Variants in PDE11A observed in about 807,000 individuals in gnomAD.
PDE11A encodes dual 3',5'-cyclic-AMP and -GMP phosphodiesterase 11A.
Under a neutral mutation model 100.5 loss-of-function variants are expected in PDE11A, and 100 were observed. The observed-to-expected ratio is 1.00, with a 90% CI of 0.85 to 1.18. The LOEUF is 1.18. Ranked by LOEUF, PDE11A falls within the 50% of genes most tolerant of loss-of-function variation. The pLI is 0.00. For synonymous variants in PDE11A, 381 were observed against 420.8 expected (o/e 0.91, Z 1.16); for missense variants, 1,141 against 1,152.6 (o/e 0.99, Z 0.15).
At chr2:177,838,047 CAT>C (rs1406594449) in intron 6 of PDE11A, among the ~76,000 whole-genome samples, 2 of 152,164 alleles carry the variant, frequency 1.3e-5, no homozygotes, top group Non-Finnish European at 2.9e-5. Context: ...TTAAGGCACA[CAT>C]GAGAGGCCCT....
intron 15 of PDE11A, chr2:177,688,275 G>C (rs1417131071): frequency 6.6e-6 from 1 of 152,220 alleles, no homozygotes; most frequent in Admixed American, 6.5e-5. Context: ...GCTTGTGCCA[G>C]GTTGGTGGTT....
chr2:177,856,571 C>T lies in PDE11A; in HGVS notation c.1368-16188G>A, dbSNP rs141734867. Among the ~76,000 whole-genome samples the T allele has an allele frequency of 2.6e-3, 388 of 151,860 alleles. 10 individuals are homozygous for T. The East Asian group carries it at 0.067, about 26-fold the overall frequency. On this transcript the variant is annotated intron_variant, in intron 5 of 19. Coordinates refer to ENST00000286063, the MANE Select transcript of PDE11A (RefSeq NM_016953.4). ...AGGAAAATATGAGAAGGCTGTCTCCCAAATAAATAATATCAATAAAGAGAA... is the reference window on the plus strand; with the variant it reads ...AGGAAAATATGAGAAGGCTGTCTCCTAAATAAATAATATCAATAAAGAGAA...
chr2:177,926,407 T>C (rs2085124681), intron 2 of PDE11A, among the ~76,000 whole-genome samples: 1 of 152,244 alleles, frequency 6.6e-6, no homozygotes, highest in Admixed American at 6.5e-5. Flanking sequence ...AAACAAATTC[T>C]ATGTCTAAAA....
intron 4 of PDE11A, among the ~76,000 whole-genome samples, chr2:177,878,757 C>T (rs555793741): frequency 2.3e-4 from 35 of 152,214 alleles, no homozygotes; most frequent in African/African-American, 8.4e-4. Context: ...TCCAGTGATC[C>T]CACTTCTCAC....
chr2:177,915,282 C>G (rs2084937035), intron 2 of PDE11A, among the ~76,000 whole-genome samples: 1 of 152,174 alleles, frequency 6.6e-6, no homozygotes, highest in South Asian at 2.1e-4. Flanking sequence ...TGTACATGTT[C>G]ACCATTACAG....
intron 19 of PDE11A, among the ~76,000 whole-genome samples, chr2:177,660,006 T>C (rs1300068590): frequency 6.6e-6 from 1 of 152,206 alleles, no homozygotes; most frequent in Non-Finnish European, 1.5e-5. Context: ...CACCCATAAA[T>C]CACGACTTCA....
chr2:177,906,745 A>G (rs2084795614), intron 2 of PDE11A, among the ~76,000 whole-genome samples: 1 of 152,170 alleles, frequency 6.6e-6, no homozygotes, highest in Admixed American at 6.5e-5. Context: ...AAGTCTGTCC[A>G]TAAGCCAAGA....
At chr2:177,764,050 G>C (rs2082206786) in intron 10 of PDE11A, among the ~76,000 whole-genome samples, 1 of 152,198 alleles carries the variant, frequency 6.6e-6, no homozygotes. Context: ...GGATTAAAGT[G>C]TCTTATCAAA....
chr2:178,021,786 A>G (rs2086415755), intron 1 of PDE11A, among the ~76,000 whole-genome samples: 2 of 152,204 alleles, frequency 1.3e-5, no homozygotes, highest in Non-Finnish European at 2.9e-5. Context: ...TTATCCAGAA[A>G]AAAAGGAGAG....
intron 2 of PDE11A, among the ~76,000 whole-genome samples, chr2:178,089,378 C>T (rs2087394424): frequency 6.6e-6 from 1 of 152,150 alleles, no homozygotes; most frequent in Admixed American, 6.5e-5. Context: ...ATAAATACAA[C>T]AAGGTCAAGT....
At chr2:177,878,326 G>A (rs763700693) in intron 4 of PDE11A, among the ~76,000 whole-genome samples, 4 of 152,046 alleles carry the variant, frequency 2.6e-5, no homozygotes, top group Non-Finnish European at 5.9e-5. Context: ...TAGGATCTAC[G>A]TCCTCTCTCC....
At chr2:177,853,752 ATATC>A (rs2083772505) in intron 5 of PDE11A, among the ~76,000 whole-genome samples, 1 of 28,708 alleles carries the variant, frequency 3.5e-5, no homozygotes, top group Non-Finnish European at 9.1e-5. Context: ...GTGTGTATAT[ATATC>A]TATATATGTA....
intron 1 of PDE11A, among the ~76,000 whole-genome samples, chr2:178,105,457 TCAAAAAA>T (rs2087607009): frequency 6.7e-6 from 1 of 150,354 alleles, no homozygotes; most frequent in Non-Finnish European, 1.5e-5. Context: ...AGACTCCCTC[TCAAAAAA>T]CAAAAACAAA....
At chr2:178,036,781 A>G (rs899765050) in intron 1 of PDE11A, among the ~76,000 whole-genome samples, 1 of 152,050 alleles carries the variant, frequency 6.6e-6, no homozygotes, top group Non-Finnish European at 1.5e-5. Flanking sequence ...AAAGGATTCC[A>G]TATTTAATAA....
At chr2:178,031,556 A>G (rs1344301355) in intron 1 of PDE11A, among the ~76,000 whole-genome samples, 1 of 152,202 alleles carries the variant, frequency 6.6e-6, no homozygotes, top group Non-Finnish European at 1.5e-5. Flanking sequence ...TATACTGTTT[A>G]AAATATCAAT....
intron 9 of PDE11A, among the ~76,000 whole-genome samples, chr2:177,801,163 T>G (rs1330005666): frequency 6.6e-6 from 1 of 152,248 alleles, no homozygotes; most frequent in Non-Finnish European, 1.5e-5. Context: ...ATAGTTCAAC[T>G]GTCACTTGCT....
intron 5 of PDE11A, among the ~76,000 whole-genome samples, chr2:177,861,124 C>T (rs938797447): frequency 4.0e-5 from 6 of 151,666 alleles, no homozygotes; most frequent in Admixed American, 2.6e-4. Flanking sequence ...AAAAGGCATT[C>T]AGACTGTAAA....
intron 2 of PDE11A, among the ~76,000 whole-genome samples, chr2:177,907,063 G>A (rs1452472366): frequency 6.6e-6 from 1 of 152,132 alleles, no homozygotes; most frequent in Non-Finnish European, 1.5e-5. Flanking sequence ...AAATGAAGAT[G>A]TGAAATGTTT....
intron 2 of PDE11A, among the ~76,000 whole-genome samples, chr2:177,950,056 G>GA (rs2085488124): frequency 6.6e-6 from 1 of 152,166 alleles, no homozygotes; most frequent in Non-Finnish European, 1.5e-5. Flanking sequence ...TGATCTACGT[G>GA]ATTCAAACTT....
Sources: gnomAD v4.1 joint callset for allele counts (sites outside exome capture counted in the v4.1 genomes callset) on GRCh38, gnomAD v4.1.1 for gene constraint, MANE v1.5 for transcripts, NCBI Gene and HGNC (gene_info 2026-07-23, HGNC 2026-07-21) for gene names.